ANKFY1: variants seen among roughly 807,000 people sequenced by gnomAD.
The protein encoded by ANKFY1 is ankyrin repeat and FYVE domain-containing protein 1.
In ANKFY1, 47 loss-of-function variants were observed where a neutral mutation model predicts 128.3. That is an observed-to-expected ratio of 0.37 (90% confidence interval 0.29 to 0.47). The LOEUF is 0.47. ANKFY1 is among the 20% of genes least tolerant of loss of function. The pLI, the probability that ANKFY1 is intolerant of heterozygous loss-of-function variation, is 1.00. For missense variants in ANKFY1, 1,222 were observed against 1,510.6 expected, an observed-to-expected ratio of 0.81 and a Z score of 3.17; for synonymous variants, 553 against 601.6, an observed-to-expected ratio of 0.92 and a Z score of 1.18.
intron 4 of ANKFY1, among the ~76,000 whole-genome samples, chr17:4,213,731 G>A (rs977357638): frequency 6.6e-6 from 1 of 151,724 alleles, no homozygotes; most frequent in South Asian, 2.1e-4. Context: ...CTGCCACCAC[G>A]CCCAGCTAAT....
chr17:4,188,983 C>A (rs2059661168), intron 11 of ANKFY1: 1 of 171,424 alleles, frequency 5.8e-6, no homozygotes, highest in Non-Finnish European at 1.2e-5. Context: ...GCACATTCCA[C>A]CTTGTTAGCG....
intron 7 of ANKFY1, among the ~76,000 whole-genome samples, chr17:4,201,155 C>T (rs191629003): frequency 1.7e-4 from 26 of 152,280 alleles, no homozygotes; most frequent in African/African-American, 6.3e-4. Context: ...CTCAGCCTCC[C>T]AAGTAGCTAG....
intron 16 of ANKFY1, among the ~76,000 whole-genome samples, chr17:4,180,760 C>CAAAAAAAAAAAAA (rs11392631): frequency 1.7e-5 from 1 of 58,026 alleles, no homozygotes; most frequent in Non-Finnish European, 3.4e-5. Flanking sequence ...GACTCTGTCT[C>CAAAAAAAAAAAAA]AAAAAAAAAA....
intron 10 of ANKFY1, 42 bp downstream of exon 10, chr17:4,194,936 T>G: frequency 6.2e-7 from 1 of 1,608,150 alleles, no homozygotes; most frequent in Non-Finnish European, 8.5e-7. Context: ...TCCTGGCGCC[T>G]GCAGACCCCA....
chr17:4,196,802 T>C (rs1223169860), intron 8 of ANKFY1, among the ~76,000 whole-genome samples: 1 of 152,210 alleles, frequency 6.6e-6, no homozygotes, highest in African/African-American at 2.4e-5. Context: ...AGATGACCAC[T>C]CTGGTTCCTT....
chr17:4,243,849 C>T (rs998614546), intron 1 of ANKFY1, among the ~76,000 whole-genome samples: 9 of 152,150 alleles, frequency 5.9e-5, no homozygotes, highest in East Asian at 1.9e-4. Context: ...GTTCACGAGG[C>T]GCTGGGCGCT....
chr17:4,219,130 A>G (rs138246047), intron 3 of ANKFY1, among the ~76,000 whole-genome samples: 4 of 152,338 alleles, frequency 2.6e-5, no homozygotes, highest in African/African-American at 9.6e-5. Context: ...TTTAAGGAAC[A>G]TGCATTATTT....
chr17:4,182,230 G>T lies in ANKFY1; in HGVS notation c.2072C>A (p.Pro691Gln). The T allele has an allele frequency of 6.3e-7, 1 of 1,580,944 alleles. No individual in the cohort carries two copies. The highest frequency in any genetic ancestry group is 8.6e-7 in the Non-Finnish European group (1 of 1,160,962). Reference protein sequence around the residue: ...MSVPDEKGNPPLWLALANNLE... With the variant: ...MSVPDEKGNPQLWLALANNLE... ...ATTGTTTGCCAATGCAAGCCACAGC[G>T]GGGGGTTCCCCTTCTCATCTGGCAC... Residue 691 changes from proline to glutamine, a missense_variant, in exon 15 of 25, where the codon CCG (proline) becomes CAG (glutamine). Pro to Gln is a moderately conservative substitution (Grantham distance 76). Transcript: ENST00000341657.
chr17:4,177,431 TC>T (rs1471567479), intron 18 of ANKFY1, 129 bp from the exon 19 acceptor site: 1 of 774,982 alleles, frequency 1.3e-6, no homozygotes, highest in Non-Finnish European at 1.9e-6. Context: ...GGAAACCCCC[TC>T]CCAAGAATGA....
At chr17:4,261,389 A>C (rs1418230333) in intron 1 of ANKFY1, among the ~76,000 whole-genome samples, 1 of 152,220 alleles carries the variant, frequency 6.6e-6, no homozygotes, top group African/African-American at 2.4e-5. Flanking sequence ...CTGAGGTGGA[A>C]GAATCGCTTG....
At chr17:4,233,906 A>G (rs1212645480) in intron 3 of ANKFY1, among the ~76,000 whole-genome samples, 1 of 152,214 alleles carries the variant, frequency 6.6e-6, no homozygotes, top group Non-Finnish European at 1.5e-5. Context: ...TAATTCACAC[A>G]ATCACTTCGG....
At chr17:4,263,099 C>G (rs893741687) in intron 1 of ANKFY1, among the ~76,000 whole-genome samples, 1 of 152,202 alleles carries the variant, frequency 6.6e-6, no homozygotes, top group Non-Finnish European at 1.5e-5. Flanking sequence ...TGCACGATTC[C>G]TGACAGGTAA....
intron 3 of ANKFY1, chr17:4,222,361 G>A (rs1479977569): frequency 2.5e-5 from 19 of 771,146 alleles, no homozygotes; most frequent in Admixed American, 1.9e-4. Flanking sequence ...TATTCACTAC[G>A]CTCTGTCCTT....
chr17:4,260,792 A>G (rs1165971347), intron 1 of ANKFY1, among the ~76,000 whole-genome samples: 1 of 152,166 alleles, frequency 6.6e-6, no homozygotes, highest in Non-Finnish European at 1.5e-5. Flanking sequence ...TCTCTAAACA[A>G]GTCACATAAG....
At chr17:4,262,433 C>T (rs1437442817) in intron 1 of ANKFY1, among the ~76,000 whole-genome samples, 4 of 152,210 alleles carry the variant, frequency 2.6e-5, no homozygotes, top group South Asian at 2.1e-4. Context: ...GGCTAACTTT[C>T]GTATTTTTTG....
At chr17:4,246,887 G>A (rs1967570710) in intron 1 of ANKFY1, among the ~76,000 whole-genome samples, 1 of 152,100 alleles carries the variant, frequency 6.6e-6, no homozygotes, top group South Asian at 2.1e-4. Flanking sequence ...CCAGGCAGGA[G>A]GATCTCTAAA....
At chr17:4,262,185 C>G (rs953984660) in intron 1 of ANKFY1, among the ~76,000 whole-genome samples, 2 of 152,148 alleles carry the variant, frequency 1.3e-5, no homozygotes, top group Non-Finnish European at 1.5e-5. Context: ...CAGGATCTTA[C>G]TCTGTCGCCC....
intron 8 of ANKFY1, among the ~76,000 whole-genome samples, 198 bp downstream of exon 8, chr17:4,197,175 G>C (rs2059841322): frequency 3.3e-5 from 5 of 152,144 alleles, no homozygotes; most frequent in Admixed American, 3.3e-4. Flanking sequence ...AGTTACCCAG[G>C]ATAGAAATGT....
intron 3 of ANKFY1, among the ~76,000 whole-genome samples, chr17:4,228,415 T>C (rs543101164): frequency 2.5e-4 from 35 of 137,926 alleles, no homozygotes; most frequent in Admixed American, 2.3e-3. Flanking sequence ...TGTTTTTTGT[T>C]AGTTTTTTTT....
Sources: gnomAD v4.1 joint callset for allele counts (sites outside exome capture counted in the v4.1 genomes callset) on GRCh38, gnomAD v4.1.1 for gene constraint, MANE v1.5 for transcripts, NCBI Gene and HGNC (gene_info 2026-07-23, HGNC 2026-07-21) for gene names.